The following SEMA3A variants were observed in gnomAD, a reference collection of about 807,000 sequenced individuals.
The protein encoded by SEMA3A is semaphorin 3A, also known as semaphorin-3A.
A neutral mutation model predicts 97.9 loss-of-function variants in SEMA3A; 29 were observed. The observed-to-expected ratio is 0.30, with a 90% CI of 0.22 to 0.40. SEMA3A has a LOEUF of 0.40. SEMA3A is among the 10% of genes least tolerant of loss of function. SEMA3A has a pLI of 1.00. For synonymous variants in SEMA3A, 321 were observed against 323.7 expected, an observed-to-expected ratio of 0.99 and a Z score of 0.09; for missense variants, 763 against 951.3, an observed-to-expected ratio of 0.80 and a Z score of 2.60.
At chr7:84,190,198 G>A (rs1409873275) in intron 1 of SEMA3A, among the ~76,000 whole-genome samples, 1 of 151,686 alleles carries the variant, frequency 6.6e-6, no homozygotes, top group Non-Finnish European at 1.5e-5. Flanking sequence ...GCTTTAAGCA[G>A]AGAATCCACA....
At chr7:84,420,016 T>C (rs929095158) in intron 1 of SEMA3A, among the ~76,000 whole-genome samples, 3 of 152,130 alleles carry the variant, frequency 2.0e-5, no homozygotes, top group Non-Finnish European at 2.9e-5. Flanking sequence ...CTGAATACAA[T>C]CTTTGCAAAA....
intron 1 of SEMA3A, among the ~76,000 whole-genome samples, chr7:84,160,222 TG>T (rs1199626442): frequency 8.5e-6 from 1 of 118,326 alleles, no homozygotes; most frequent in Non-Finnish European, 1.7e-5. Flanking sequence ...ACTATCAATC[TG>T]TCTATCTATC....
At chr7:84,244,122 G>C (rs549593180) in intron 3 of SEMA3A, among the ~76,000 whole-genome samples, 98 of 152,298 alleles carry the variant, frequency 6.4e-4, no homozygotes, top group African/African-American at 2.3e-3. Flanking sequence ...CCTTGGTCCA[G>C]AGCTGAGTTC....
At chr7:84,182,881 C>T (rs753110259) in intron 1 of SEMA3A, among the ~76,000 whole-genome samples, 3 of 152,116 alleles carry the variant, frequency 2.0e-5, no homozygotes, top group Admixed American at 6.5e-5. Flanking sequence ...TGTTTTAAGA[C>T]ATTCATGCTA....
chr7:84,081,586 C>A, intron 4 of SEMA3A, among the ~76,000 whole-genome samples: 1 of 134,102 alleles, frequency 7.5e-6, no homozygotes. Flanking sequence ...GAGCGAGACT[C>A]CGTCTCTTAA....
At position 84,204,163 on chromosome 7, in the gene SEMA3A, C is replaced by T. The variant is rs1584121947; in HGVS notation, c.-82-9495G>A. 2.0e-5 allele frequency among the ~76,000 whole-genome samples: 3 copies of T among 152,020 alleles called. No homozygotes were observed. The South Asian group carries it at 6.2e-4, about 32-fold the overall frequency. ...TGTAGTGTCTCCCAATGGTAATATT[C>T]TATTTTTTTAATTTAAAAATTAAGA... On this transcript the variant is annotated intron_variant, in intron 3 of 3. Transcript: ENST00000424555.
At chr7:83,970,388 G>C (rs892265881) in intron 15 of SEMA3A, among the ~76,000 whole-genome samples, 1 of 152,048 alleles carries the variant, frequency 6.6e-6, no homozygotes, top group African/African-American at 2.4e-5. Flanking sequence ...GTTGCTAAAG[G>C]CCTTATTTAG....
At chr7:84,067,119 A>T (rs922364415) in intron 4 of SEMA3A, among the ~76,000 whole-genome samples, 1 of 152,218 alleles carries the variant, frequency 6.6e-6, no homozygotes, top group African/African-American at 2.4e-5. Context: ...ATAACGCTGC[A>T]TATCTACAAG....
chr7:84,272,041 G>C (rs983270832), intron 3 of SEMA3A, among the ~76,000 whole-genome samples: 4 of 152,102 alleles, frequency 2.6e-5, no homozygotes, highest in Admixed American at 2.6e-4. Flanking sequence ...GTGTACTGCT[G>C]ATAGATATAC....
chr7:84,102,232 C>T (rs1432551842), intron 4 of SEMA3A, among the ~76,000 whole-genome samples: 4 of 152,096 alleles, frequency 2.6e-5, no homozygotes, highest in Non-Finnish European at 5.9e-5. Flanking sequence ...TTTCAAGATG[C>T]TAATTTAGGA....
chr7:84,472,268 C>G (rs1035050600), intron 1 of SEMA3A, among the ~76,000 whole-genome samples: 1 of 152,016 alleles, frequency 6.6e-6, no homozygotes, highest in African/African-American at 2.4e-5. Flanking sequence ...TTTCCCACTC[C>G]CCCACTCGAA....
intron 1 of SEMA3A, among the ~76,000 whole-genome samples, chr7:84,409,138 G>A (rs553572271): frequency 6.6e-6 from 1 of 150,380 alleles, no homozygotes; most frequent in Admixed American, 6.6e-5. Flanking sequence ...AGCACAATAG[G>A]ACACTATCAT....
At chr7:84,096,572 CT>C (rs1794781720) in intron 4 of SEMA3A, among the ~76,000 whole-genome samples, 2 of 151,932 alleles carry the variant, frequency 1.3e-5, no homozygotes, top group South Asian at 4.1e-4. Flanking sequence ...TTGAAAATAA[CT>C]TCATTTTTGT....
chr7:84,051,040 G>T (rs1453066148), intron 5 of SEMA3A, among the ~76,000 whole-genome samples: 1 of 151,722 alleles, frequency 6.6e-6, no homozygotes, highest in Non-Finnish European at 1.5e-5. Context: ...CATTATTTCG[G>T]AGGGCTCTGT....
intron 3 of SEMA3A, among the ~76,000 whole-genome samples, chr7:84,290,898 G>C (rs1800725227): frequency 6.6e-6 from 1 of 152,040 alleles, no homozygotes; most frequent in Non-Finnish European, 1.5e-5. Context: ...AAATCTTAAA[G>C]CATTATTTGT....
rs4732552 is a variant in SEMA3A at position 84,439,738 on chromosome 7, T to G, written c.-246+52722A>C. 0.013 allele frequency among the ~76,000 whole-genome samples: 2,052 copies of G among 152,214 alleles called. 94 individuals are homozygous for G. In the East Asian group the frequency reaches 0.16, roughly 12 times the overall value. On this transcript the variant is annotated intron_variant, in intron 1 of 3. Transcript: ENST00000424555. ...GTAAACACAAAAGAAATGGGTGAAATGATAGTACATATATAGTACATGTGA... is the reference window on the plus strand; with the variant it reads ...GTAAACACAAAAGAAATGGGTGAAAGGATAGTACATATATAGTACATGTGA...
chr7:84,261,725 G>A (rs577224102), intron 3 of SEMA3A, among the ~76,000 whole-genome samples: 82 of 152,294 alleles, frequency 5.4e-4, no homozygotes, highest in Middle Eastern at 3.4e-3. Flanking sequence ...GCTGCTCTCC[G>A]CCTGGCTCGC....
At chr7:84,178,066 C>G (rs1020768322) in intron 1 of SEMA3A, among the ~76,000 whole-genome samples, 1 of 152,112 alleles carries the variant, frequency 6.6e-6, no homozygotes, top group Non-Finnish European at 1.5e-5. Context: ...ATTTATTCAA[C>G]TGAATGGTTA....
chr7:84,450,089 TA>T (rs1805518219), intron 1 of SEMA3A, among the ~76,000 whole-genome samples: 1 of 152,152 alleles, frequency 6.6e-6, no homozygotes, highest in Non-Finnish European at 1.5e-5. Context: ...TTCTTTTGGA[TA>T]AATATCCAAA....
Sources: gnomAD v4.1 joint callset for allele counts (sites outside exome capture counted in the v4.1 genomes callset) on GRCh38, gnomAD v4.1.1 for gene constraint, MANE v1.5 for transcripts, NCBI Gene and HGNC (gene_info 2026-07-23, HGNC 2026-07-21) for gene names.